Variants in TENM2 observed in about 807,000 individuals in gnomAD.
The protein encoded by TENM2 is teneurin-2.
TENM2 carries 52 observed loss-of-function variants against 245.2 expected under a neutral mutation model. That is an observed-to-expected ratio of 0.21 (90% CI 0.17 to 0.27). The LOEUF (loss-of-function observed/expected upper bound fraction) is 0.27. TENM2 is among the 10% of genes least tolerant of loss of function. The pLI is 1.00. For synonymous variants in TENM2, 1,363 were observed against 1,438.9 expected (o/e 0.95, Z 1.19); for missense variants, 3,046 against 3,666.8 (o/e 0.83, Z 4.37).
intron 25 of TENM2, chr5:168,240,776 G>A (rs148569260): frequency 6.6e-6 from 1 of 152,278 alleles, no homozygotes; most frequent in East Asian, 1.9e-4. Flanking sequence ...CAAGGGGATG[G>A]AAATAAGTAG....
chr5:167,303,586 A>G (rs1755489106), intron 1 of TENM2, among the ~76,000 whole-genome samples: 1 of 152,092 alleles, frequency 6.6e-6, no homozygotes, highest in Non-Finnish European at 1.5e-5. Flanking sequence ...TTGTGGTGGA[A>G]TGTCATCATT....
intron 7 of TENM2, among the ~76,000 whole-genome samples, chr5:168,080,471 A>G (rs1425221905): frequency 1.3e-5 from 2 of 152,082 alleles, no homozygotes; most frequent in East Asian, 3.9e-4. Flanking sequence ...GCCTCCTGCT[A>G]GCTTTTGAAT....
the TENM2 span, among the ~76,000 whole-genome samples, chr5:167,043,864 A>G: frequency 1.3e-5 from 2 of 152,132 alleles, no homozygotes; most frequent in Non-Finnish European, 1.5e-5. Flanking sequence ...TACTAAAAAT[A>G]CAAAAATTAG....
At chr5:167,014,140 C>CTTTTTTTTTTTTTTT in the TENM2 span, among the ~76,000 whole-genome samples, 2 of 128,644 alleles carry the variant, frequency 1.6e-5, no homozygotes, top group African/African-American at 2.9e-5. Context: ...AAAACCAATT[C>CTTTTTTTTTTTTTTT]TTTTTTTTTT....
chr5:167,350,004 CAT>C (rs1468323398), intron 1 of TENM2, among the ~76,000 whole-genome samples: 13 of 152,234 alleles, frequency 8.5e-5, no homozygotes, highest in East Asian at 7.7e-4. Flanking sequence ...AGAAATCTAA[CAT>C]GTGGCATATC....
At chr5:167,222,042 C>T in the TENM2 span, among the ~76,000 whole-genome samples, 62 of 152,138 alleles carry the variant, frequency 4.1e-4, no homozygotes, top group African/African-American at 1.5e-3. Flanking sequence ...GCAATAAATA[C>T]TATTTATCCC....
intron 2 of TENM2, among the ~76,000 whole-genome samples, chr5:167,514,447 T>A (rs552895211): frequency 5.0e-4 from 76 of 152,334 alleles, no homozygotes; most frequent in African/African-American, 1.5e-3. Context: ...CTAGTAACCG[T>A]GTTCATCCCA....
intron 23 of TENM2, among the ~76,000 whole-genome samples, chr5:168,221,861 C>T (rs552775823): frequency 6.6e-6 from 1 of 152,344 alleles, no homozygotes; most frequent in East Asian, 1.9e-4. Flanking sequence ...GAGTCCATCT[C>T]TGCCACATGC....
chr5:167,577,928 T>G (rs1175022601), intron 2 of TENM2, among the ~76,000 whole-genome samples: 2 of 152,150 alleles, frequency 1.3e-5, no homozygotes, highest in East Asian at 3.9e-4. Context: ...CGCTGCAGGT[T>G]GAGAGGACCC....
At chr5:167,433,176 T>C (rs1215138670) in intron 2 of TENM2, among the ~76,000 whole-genome samples, 4 of 152,230 alleles carry the variant, frequency 2.6e-5, no homozygotes, top group African/African-American at 9.6e-5. Context: ...CAAAGTTTAT[T>C]AACAGCAGGT....
At chr5:168,214,652 T>C (rs1763038201) in intron 20 of TENM2, among the ~76,000 whole-genome samples, 2 of 152,172 alleles carry the variant, frequency 1.3e-5, no homozygotes, top group Admixed American at 1.3e-4. Context: ...GAAGTGTTCC[T>C]CTATCCCACT....
chr5:167,580,845 C>G (rs1775039965), intron 2 of TENM2, among the ~76,000 whole-genome samples: 1 of 152,128 alleles, frequency 6.6e-6, no homozygotes, highest in African/African-American at 2.4e-5. Flanking sequence ...AAAAATTAGC[C>G]GGGCGTGGTG....
chr5:167,099,128 G>C, the TENM2 span, among the ~76,000 whole-genome samples: 22 of 152,070 alleles, frequency 1.4e-4, no homozygotes, highest in African/African-American at 5.1e-4. Flanking sequence ...TGTATATCCA[G>C]CTCTACCGCT....
chr5:167,286,120 G>A (rs927419541), intron 1 of TENM2, among the ~76,000 whole-genome samples: 8 of 152,132 alleles, frequency 5.3e-5, no homozygotes, highest in East Asian at 1.9e-4. Context: ...CAATCCAGAG[G>A]TTGTTGTAGA....
At chr5:167,343,722 T>C (rs1017077583) in intron 1 of TENM2, among the ~76,000 whole-genome samples, 2 of 152,210 alleles carry the variant, frequency 1.3e-5, no homozygotes, top group Non-Finnish European at 1.5e-5. Context: ...AGAAGTTTGT[T>C]CTTTAATTTA....
At chr5:167,966,232 G>A (rs1483540306) in intron 4 of TENM2, among the ~76,000 whole-genome samples, 4 of 152,166 alleles carry the variant, frequency 2.6e-5, no homozygotes, top group Non-Finnish European at 4.4e-5. Context: ...TAAAATATGA[G>A]TGCAGATTGA....
chr5:167,445,334 T>G (rs61285311), intron 2 of TENM2, among the ~76,000 whole-genome samples: 40,524 of 83,740 alleles, frequency 0.48, 8,851 homozygotes, highest in East Asian at 0.7. Flanking sequence ...TATATATATA[T>G]ATAGAGAGAG....
At chr5:168,107,560 G>C (rs1463664372) in intron 9 of TENM2, among the ~76,000 whole-genome samples, 2 of 152,232 alleles carry the variant, frequency 1.3e-5, no homozygotes, top group South Asian at 2.1e-4. Context: ...CCTCCTGGGG[G>C]GGGGGTCTGA....
intron 4 of TENM2, among the ~76,000 whole-genome samples, chr5:167,988,139 A>G (rs1479984988): frequency 6.6e-6 from 1 of 152,172 alleles, no homozygotes; most frequent in Non-Finnish European, 1.5e-5. Flanking sequence ...TCTTGCCTGC[A>G]TGTACATATG....
Sources: gnomAD v4.1 joint callset for allele counts (sites outside exome capture counted in the v4.1 genomes callset) on GRCh38, gnomAD v4.1.1 for gene constraint, MANE v1.5 for transcripts, NCBI Gene and HGNC (gene_info 2026-07-23, HGNC 2026-07-21) for gene names.